The following TBXAS1 variants were observed in gnomAD, a reference collection of about 807,000 sequenced individuals.
The protein encoded by TBXAS1 is thromboxane A synthase 1.
In TBXAS1, 48 loss-of-function variants were observed where a neutral mutation model predicts 60.7. The ratio of observed to expected loss-of-function variants is 0.79; its 90% CI spans 0.63 to 1.01. The LOEUF is 1.01. TBXAS1 is among the 50% of genes least tolerant of loss of function. The pLI, the probability that TBXAS1 is intolerant of heterozygous loss-of-function variation, is 0.00. For synonymous variants in TBXAS1, 287 were observed against 269.7 expected, an observed-to-expected ratio of 1.06 and a Z score of -0.63; for missense variants, 685 against 686.3, an observed-to-expected ratio of 1.00 and a Z score of 0.02.
intron 9 of TBXAS1, among the ~76,000 whole-genome samples, chr7:139,970,688 A>T (rs1811134060): frequency 6.6e-6 from 1 of 152,226 alleles, no homozygotes; most frequent in Non-Finnish European, 1.5e-5. Context: ...AGCCAATCCT[A>T]ATACATGTTA....
At chr7:139,904,997 C>CTCTTTCTCTCTTTCTTTCTT (rs1407274997) in intron 3 of TBXAS1, among the ~76,000 whole-genome samples, 1 of 93,132 alleles carries the variant, frequency 1.1e-5, no homozygotes, top group East Asian at 3.3e-4. Flanking sequence ...CTCTCTTTCT[C>CTCTTTCTCTCTTTCTTTCTT]TCTTTCTCTC....
intron 9 of TBXAS1, among the ~76,000 whole-genome samples, chr7:139,969,028 A>G (rs1410765338): frequency 1.3e-5 from 2 of 152,210 alleles, no homozygotes; most frequent in African/African-American, 4.8e-5. Context: ...TGTTGAAATT[A>G]TTGACTTTTG....
chr7:139,793,288 C>T (rs1023318344), intron 4 of TBXAS1, among the ~76,000 whole-genome samples: 10 of 151,944 alleles, frequency 6.6e-5, no homozygotes, highest in African/African-American at 1.2e-4. Context: ...GACATGGTGG[C>T]GCACTCTTGT....
intron 1 of TBXAS1, among the ~76,000 whole-genome samples, chr7:139,854,587 G>A (rs1212329745): frequency 2.6e-5 from 4 of 152,142 alleles, no homozygotes; most frequent in African/African-American, 9.7e-5. Flanking sequence ...AGGGAGAGAC[G>A]ACGACCTGAT....
At chr7:139,843,218 CTCTTCCAT>C (rs1199400874) in intron 1 of TBXAS1, among the ~76,000 whole-genome samples, 1 of 149,708 alleles carries the variant, frequency 6.7e-6, no homozygotes, top group Non-Finnish European at 1.5e-5. Flanking sequence ...CTAAATGTCA[CTCTTCCAT>C]AAAGGTCTCC....
intron 3 of TBXAS1, among the ~76,000 whole-genome samples, chr7:139,900,836 C>T (rs539657080): frequency 1.6e-4 from 24 of 152,296 alleles, no homozygotes; most frequent in African/African-American, 5.3e-4. Context: ...GAGCTTTTCA[C>T]CCCAGCATCC....
intron 1 of TBXAS1, among the ~76,000 whole-genome samples, chr7:139,841,079 C>T (rs900316695): frequency 7.2e-5 from 11 of 152,238 alleles, no homozygotes; most frequent in Admixed American, 6.5e-5. Context: ...GGCACCTCAT[C>T]ATCCCCAGCA....
intron 4 of TBXAS1, among the ~76,000 whole-genome samples, chr7:139,921,810 G>A (rs1053182779): frequency 6.6e-6 from 1 of 152,142 alleles, no homozygotes; most frequent in African/African-American, 2.4e-5. Flanking sequence ...TTATGAATTA[G>A]GTTGTTATAT....
At chr7:139,904,651 A>T (rs1409371689) in intron 3 of TBXAS1, among the ~76,000 whole-genome samples, 1 of 152,116 alleles carries the variant, frequency 6.6e-6, no homozygotes, top group African/African-American at 2.4e-5. Flanking sequence ...TTCCTTGTAG[A>T]GTTCTTTCCA....
rs112285103 is a variant in TBXAS1, at chr7:139,994,617, GA to G, written c.1135-12464del. On this transcript the variant is annotated intron_variant, in intron 9 of 12. Coordinates refer to ENST00000448866, the MANE Select transcript of TBXAS1 (RefSeq NM_001061.7). ...GAATTCAGGATGAGCTGGAAAAAAA[GA>G]AAAAAAAAACTCCTGCTGCAATAAA... Among the ~76,000 whole-genome samples the G allele has an allele frequency of 1.9e-3, 282 of 147,144 alleles. 1 individual carries two copies. Among genetic ancestry groups the G allele is most frequent in the African/African-American group, 6.6e-3 (267 of 40,168 alleles).
At chr7:139,810,268 C>G (rs1445536322) in intron 4 of TBXAS1, among the ~76,000 whole-genome samples, 1 of 152,082 alleles carries the variant, frequency 6.6e-6, no homozygotes, top group Admixed American at 6.5e-5. Context: ...AACTTGTGAG[C>G]TCAAAACAAT....
At chr7:139,783,967 C>T (rs1797085694) in intron 3 of TBXAS1, among the ~76,000 whole-genome samples, 1 of 151,870 alleles carries the variant, frequency 6.6e-6, no homozygotes, top group Admixed American at 6.6e-5. Context: ...GAATCACTCC[C>T]CTCCCTTCAC....
rs1280461371 is a variant in TBXAS1, at chr7:139,931,027, C to G, written c.334-5164C>G. ...TGATCTACAGTAAGAAACACATTCA[C>G]ATTTTGATACAGAATACACACACAC... On this transcript the variant is annotated intron_variant, in intron 4 of 12. Coordinates refer to ENST00000448866, the MANE Select transcript of TBXAS1 (RefSeq NM_001061.7). 3.3e-5 allele frequency among the ~76,000 whole-genome samples: 5 copies of G among 151,982 alleles called. No individual in the cohort carries two copies. The East Asian group carries it at 9.6e-4, about 29-fold the overall frequency.
At position 139,841,961 on chromosome 7, in the gene TBXAS1, T is replaced by A. The variant is rs74899517; in HGVS notation, c.89+12482T>A. ...TTGTGGAGAATAGATTGATTTTTTT[T>A]AAAAAACAGTCCATATTTTGGCAAA... On this transcript the variant is annotated intron_variant, in intron 1 of 12. Transcript: ENST00000448866. Among the ~76,000 whole-genome samples the A allele has an allele frequency of 7.3e-3, 1,108 of 152,230 alleles. 13 individuals are homozygous for A. Among genetic ancestry groups the A allele is most frequent in the African/African-American group, 0.023 (969 of 41,528 alleles).
upstream of TBXAS1, among the ~76,000 whole-genome samples, chr7:139,825,067 G>A (rs1005346589): frequency 2.6e-5 from 4 of 151,952 alleles, no homozygotes; most frequent in Admixed American, 1.3e-4. Flanking sequence ...AACCTCTGGT[G>A]ATCCACCTGC....
chr7:139,851,076 C>T (rs925040547), intron 1 of TBXAS1, among the ~76,000 whole-genome samples: 2 of 152,210 alleles, frequency 1.3e-5, no homozygotes, highest in Admixed American at 6.5e-5. Flanking sequence ...ATCCCATTGG[C>T]CTTACTGAGC....
chr7:139,962,200 T>C lies in TBXAS1; in HGVS notation c.1101T>C (p.Leu367=). 1 of 1,614,228 alleles carries C rather than the reference T, an allele frequency of 6.2e-7. No homozygotes were observed. ...CCAACCCTGACTGCCAAGAGAAGCT[T>C]CTGAGAGAGGTAGACGTTTTTAAGG... The part of the protein sequence containing the change: ...LATNPDCQEK[L]LREVDVFKEK... Residue 367 remains leucine (L), a synonymous_variant, in exon 9 of 13, where the codon CTT becomes CTC. Coordinates refer to ENST00000448866, the MANE Select transcript of TBXAS1 (RefSeq NM_001061.7).
chr7:139,983,875 G>T (rs10487666), intron 9 of TBXAS1, among the ~76,000 whole-genome samples: 16,329 of 152,138 alleles, frequency 0.11, 1,080 homozygotes, highest in South Asian at 0.18. Flanking sequence ...TTCAGTAGTC[G>T]ATCAGTTTGC....
chr7:139,917,025 T>C (rs1003338291), intron 4 of TBXAS1, among the ~76,000 whole-genome samples: 3 of 152,256 alleles, frequency 2.0e-5, no homozygotes, highest in African/African-American at 7.2e-5. Flanking sequence ...TTCAAACATG[T>C]GCATCAAGAT....
Sources: gnomAD v4.1 joint callset for allele counts (sites outside exome capture counted in the v4.1 genomes callset) on GRCh38, gnomAD v4.1.1 for gene constraint, MANE v1.5 for transcripts, NCBI Gene and HGNC (gene_info 2026-07-23, HGNC 2026-07-21) for gene names.